Variants in GK5 observed in about 807,000 individuals in gnomAD.
GK5 encodes glycerol kinase 5.
GK5 carries 39 observed loss-of-function variants against 77.3 expected under a neutral mutation model. The observed-to-expected ratio is 0.50, with a 90% CI of 0.39 to 0.66. The LOEUF (loss-of-function observed/expected upper bound fraction) is 0.66, where lower values mean the gene tolerates loss of function less well. Among genes scored for constraint, GK5 ranks in the 30% least tolerant of loss-of-function variants. The probability of loss-of-function intolerance (pLI) is 0.00; values close to 1 mark genes in which losing one functional copy is unlikely to be tolerated. For missense variants in GK5, 487 were observed against 633.8 expected (o/e 0.77, Z 2.49); for synonymous variants, 211 against 208.0 (o/e 1.01, Z -0.13).
chr3:142,200,176 C>T (rs2063998599), intron 4 of GK5, among the ~76,000 whole-genome samples: 1 of 151,950 alleles, frequency 6.6e-6, no homozygotes, highest in African/African-American at 2.4e-5. Context: ...GACAGAGTCT[C>T]ACTCTGTTCC....
chr3:142,188,286 C>T (rs1031513058), intron 5 of GK5, among the ~76,000 whole-genome samples: 41 of 152,200 alleles, frequency 2.7e-4, no homozygotes, highest in African/African-American at 9.1e-4. Flanking sequence ...AATCCCAGCA[C>T]TTTGGGAGGC....
Position 142,162,481 on chromosome 3 carries a change from T to C in GK5, c.*3141A>G, listed in dbSNP as rs1354423935. 1 of 152,114 alleles carries C rather than the reference T, an allele frequency of 6.6e-6. No homozygotes were observed. The highest frequency in any genetic ancestry group is 1.5e-5 in the Non-Finnish European group (1 of 68,022). 9.4% of individuals were successfully genotyped at this position (152,114 alleles called of 1,614,324 possible). On this transcript the variant is annotated 3_prime_UTR_variant, in exon 16 of 16. Coordinates refer to ENST00000392993, the MANE Select transcript of GK5 (RefSeq NM_001039547.3). Reference sequence around the variant, plus strand: ...CTGAGATTAGGAAACCATGCCATGGTTGGATAAAAAAGATGAAAAAATCAG... The same window carrying C: ...CTGAGATTAGGAAACCATGCCATGGCTGGATAAAAAAGATGAAAAAATCAG...
intron 1 of GK5, among the ~76,000 whole-genome samples, chr3:142,219,503 T>A (rs1401015112): frequency 1.3e-5 from 2 of 152,198 alleles, no homozygotes; most frequent in Non-Finnish European, 2.9e-5. Flanking sequence ...TCCATTTATA[T>A]GACATTCTCA....
intron 9 of GK5, 29 bp from the exon 10 acceptor site, chr3:142,183,078 T>C (rs537787376): frequency 2.7e-5 from 43 of 1,611,006 alleles, no homozygotes; most frequent in African/African-American, 1.5e-4. Flanking sequence ...TGTAAACCCA[T>C]TGCCCTTAAC....
In GK5 at chr3:142,179,961, C is replaced by T. The variant is rs140652356; in HGVS notation, c.1048+1500G>A. ...TACACTGAGTGCAGACATGAAAGAG[C>T]TTCAATAGAAGCTCCTTTCTGGTCT... On this transcript the variant is annotated intron_variant, in intron 11 of 15. Transcript: ENST00000392993. Among the ~76,000 whole-genome samples the T allele has an allele frequency of 1.7e-3, 260 of 152,330 alleles. 2 individuals are homozygous for T. Among genetic ancestry groups the T allele is most frequent in the African/African-American group, 6.1e-3 (252 of 41,564 alleles).
chr3:142,201,434 C>T (rs747383494), intron 4 of GK5, among the ~76,000 whole-genome samples: 5 of 152,056 alleles, frequency 3.3e-5, no homozygotes, highest in African/African-American at 1.2e-4. Context: ...CAAATTAGAA[C>T]ATTTTTTAAA....
rs1235581167 is a variant in GK5 at position 142,162,901 on chromosome 3, CAGG to C, written c.*2718_*2720del. Reference sequence around the variant, plus strand: ...ATCCCAGCTACTTGGGAGGCTGAGGCAGGAGGACTGCTTGAGCCCAGGAGAGGG... The same window carrying C: ...ATCCCAGCTACTTGGGAGGCTGAGGCAGGACTGCTTGAGCCCAGGAGAGGG... On this transcript the variant is annotated 3_prime_UTR_variant, in exon 16 of 16. Transcript: ENST00000392993. 6.6e-6 allele frequency: 1 copy of C among 150,474 alleles called. No individual in the cohort carries two copies. The highest frequency in any genetic ancestry group is 1.5e-5 in the Non-Finnish European group (1 of 67,978). The allele number at this position is 150,474 out of a possible 1,614,324, so 9.3% of individuals were successfully genotyped here. A position where few individuals can be genotyped will look rare whatever the true frequency, so the allele number is the denominator to read the frequency against.
At position 142,182,977 on chromosome 3, in the gene GK5, T is replaced by C; in HGVS notation, c.889A>G (p.Thr297Ala). ...QTGDVKLTMG[T>A]GTFLDINTGN... is the part of the protein sequence containing the mutation. ...GTGTTAATATCCAAAAATGTCCCAG[T>C]TCCCATGGTTAATTTCACATCACCT... Residue 297 changes from threonine to alanine, a missense_variant, in exon 10 of 16, where the codon ACT (threonine) becomes GCT (alanine). Physicochemically the swap from Thr to Ala is moderately conservative, Grantham distance 58 (BLOSUM62 0). Coordinates refer to ENST00000392993, the MANE Select transcript of GK5 (RefSeq NM_001039547.3). 1.2e-6 allele frequency: 2 copies of C among 1,613,108 alleles called. No individual in the cohort carries two copies. Among genetic ancestry groups the C allele is most frequent in the Non-Finnish European group, 1.7e-6 (2 of 1,179,106 alleles).
chr3:142,198,726 A>AT (rs1192344877), intron 5 of GK5, 76 bp downstream of exon 5: 3 of 1,264,576 alleles, frequency 2.4e-6, no homozygotes, highest in African/African-American at 3.1e-5. Flanking sequence ...TATTCCTTTA[A>AT]TTTTTTCTTC....
chr3:142,197,208 G>A (rs2063947438), intron 5 of GK5, among the ~76,000 whole-genome samples: 2 of 151,612 alleles, frequency 1.3e-5, no homozygotes. Context: ...AAAAAAAAAA[G>A]AAAGTGGGGT....
At chr3:142,186,572 G>C in intron 6 of GK5, 59 bp from the exon 7 acceptor site, 1 of 724,150 alleles carries the variant, frequency 1.4e-6, no homozygotes, top group Non-Finnish European at 2.3e-6. Context: ...AACACCTATC[G>C]ATAGTATATA....
Position 142,186,210 on chromosome 3 carries a change from G to C in GK5, c.739C>G (p.Pro247Ala). ...LISIPLSLLP[P>A]VRDTSHNFGS... ...TATTATTACCTTGTGTCCCTCACAG[G>C]AGGTAGGAGAGAAAGTGGTATCGAA... The change falls in exon 8 of 16, where the codon CCT becomes GCT. Residue 247 changes from proline to alanine, a missense_variant. By Grantham distance (27) the Pro-to-Ala change is conservative. This residue lies in a region of GK5 where 323 missense variants were observed against 437.4 expected (regional missense o/e 0.74). Coordinates refer to ENST00000392993, the MANE Select transcript of GK5 (RefSeq NM_001039547.3). The C allele has an allele frequency of 1.3e-6, 2 of 1,593,118 alleles. No homozygotes were observed. Among genetic ancestry groups the C allele is most frequent in the Non-Finnish European group, 1.7e-6 (2 of 1,161,100 alleles).
At chr3:142,219,485 T>C (rs2064314539) in intron 1 of GK5, among the ~76,000 whole-genome samples, 1 of 152,226 alleles carries the variant, frequency 6.6e-6, no homozygotes, top group Non-Finnish European at 1.5e-5. Context: ...GGCTACTTGC[T>C]GTATGATTCC....
At chr3:142,200,549 C>T (rs573819501) in intron 4 of GK5, among the ~76,000 whole-genome samples, 4 of 152,232 alleles carry the variant, frequency 2.6e-5, no homozygotes, top group Admixed American at 1.3e-4. Flanking sequence ...TTTAAAGTGA[C>T]CACCCATAAG....
rs1286833675 is a variant in GK5 at position 142,192,795 on chromosome 3, CTG to C, written c.544-5018_544-5017del. On this transcript the variant is annotated intron_variant, in intron 5 of 15. Coordinates refer to ENST00000392993, the MANE Select transcript of GK5 (RefSeq NM_001039547.3). ...AAAAAAAAAAATGTGATTGGATAAA[CTG>C]TGCCACATTCAGACAATGGAATATT... Among the ~76,000 whole-genome samples the C allele has an allele frequency of 2.0e-5, 3 of 150,466 alleles. No individual in the cohort carries two copies. In the East Asian group the frequency reaches 5.8e-4, roughly 29 times the overall value.
intron 4 of GK5, 57 bp downstream of exon 4, chr3:142,204,638 G>A: frequency 1.1e-6 from 1 of 918,554 alleles, no homozygotes; most frequent in South Asian, 1.3e-5. Flanking sequence ...TACAATTAAG[G>A]GACATTTACA....
rs373354010 is a variant in GK5 at position 142,159,829 on chromosome 3, T to TTCTCTCTC, written c.*5785_*5792dup. The TTCTCTCTC allele has an allele frequency of 5.2e-5, 7 of 134,376 alleles. No homozygotes were observed. The highest frequency in any genetic ancestry group is 2.1e-4 in the African/African-American group (7 of 32,948). 8.3% of individuals were successfully genotyped at this position (134,376 alleles called of 1,614,324 possible). ...AAAGGCCCAAGGTATGTTTGGGGCT[T>TTCTCTCTC]TCTCTCTCTCTCTCTCTCTCTCTCT... On this transcript the variant is annotated 3_prime_UTR_variant, in exon 16 of 16. Coordinates refer to ENST00000392993, the MANE Select transcript of GK5 (RefSeq NM_001039547.3).
intron 6 of GK5, among the ~76,000 whole-genome samples, chr3:142,186,766 G>C (rs2063778683): frequency 6.6e-6 from 1 of 151,902 alleles, no homozygotes; most frequent in South Asian, 2.1e-4. Flanking sequence ...GAGTAGCTGG[G>C]ATTAGAGGCA....
Position 142,161,093 on chromosome 3 carries a change from T to G in GK5, c.*4529A>C, listed in dbSNP as rs894858559. The G allele has an allele frequency of 2.4e-4, 31 of 128,150 alleles. No individual in the cohort carries two copies. The highest frequency in any genetic ancestry group is 3.8e-4 in the African/African-American group (15 of 39,328). The allele number at this position is 128,150 out of a possible 1,614,324, so 7.9% of individuals were successfully genotyped here. A position where few individuals can be genotyped will look rare whatever the true frequency, so the allele number is the denominator to read the frequency against. ...AGTAGTTCTTCTTTTGTTTTTTTGTTTTTGTTTTTGTTTTTGTTTTTTTGA... is the reference window on the plus strand; with the variant it reads ...AGTAGTTCTTCTTTTGTTTTTTTGTGTTTGTTTTTGTTTTTGTTTTTTTGA... On this transcript the variant is annotated 3_prime_UTR_variant, in exon 16 of 16. Coordinates refer to ENST00000392993, the MANE Select transcript of GK5 (RefSeq NM_001039547.3).
Sources: gnomAD v4.1 joint callset for allele counts (sites outside exome capture counted in the v4.1 genomes callset) on GRCh38, gnomAD v4.1.1 for gene constraint, gnomAD v4.1.1 regional missense constraint, MANE v1.5 for transcripts, NCBI Gene and HGNC (gene_info 2026-07-23, HGNC 2026-07-21) for gene names.